CNTNAP2: variants seen among roughly 807,000 people sequenced by gnomAD.
The protein encoded by CNTNAP2 is contactin-associated protein-like 2.
Under a neutral mutation model 155.2 loss-of-function variants are expected in CNTNAP2, and 98 were observed. The observed-to-expected ratio is 0.63, with a 90% CI of 0.54 to 0.75. The LOEUF is 0.75. CNTNAP2 is among the 30% of genes least tolerant of loss of function. The probability of loss-of-function intolerance (pLI) is 0.00; values close to 1 mark genes in which losing one functional copy is unlikely to be tolerated. For missense variants in CNTNAP2, 1,727 were observed against 1,688.1 expected, an observed-to-expected ratio of 1.02 and a Z score of -0.40; for synonymous variants, 651 against 631.2, an observed-to-expected ratio of 1.03 and a Z score of -0.47.
At chr7:147,448,569 A>G (rs892965766) in intron 10 of CNTNAP2, among the ~76,000 whole-genome samples, 2 of 151,550 alleles carry the variant, frequency 1.3e-5, no homozygotes, top group African/African-American at 4.8e-5. Flanking sequence ...ATGGCAAGCA[A>G]TTGACAAAAA....
At chr7:146,502,305 T>A (rs1364225725) in intron 1 of CNTNAP2, among the ~76,000 whole-genome samples, 2 of 146,682 alleles carry the variant, frequency 1.4e-5, no homozygotes, top group Non-Finnish European at 3.0e-5. Flanking sequence ...ACATTTAGGT[T>A]GATTCTATAT....
chr7:148,052,483 G>T (rs1305806786), intron 15 of CNTNAP2, among the ~76,000 whole-genome samples: 1 of 151,976 alleles, frequency 6.6e-6, no homozygotes, highest in Non-Finnish European at 1.5e-5. Flanking sequence ...TGTTTAATAA[G>T]CAGAAAATGG....
rs543882142 is a variant in CNTNAP2, at chr7:146,352,910, A to C, written c.97+235937A>C. On this transcript the variant is annotated intron_variant, in intron 1 of 23. Transcript: ENST00000361727. The stretch of plus-strand genomic sequence containing the variant: ...GCTAGGACTACAGGCACCCGCCACC[A>C]CGCCCGGCTAATTTTTTGTATTTTT... Among the ~76,000 whole-genome samples the C allele has an allele frequency of 7.5e-4, 113 of 150,764 alleles. 1 individual carries two copies. In the South Asian group the frequency reaches 0.012, roughly 15 times the overall value.
intron 11 of CNTNAP2, among the ~76,000 whole-genome samples, chr7:147,532,314 A>G (rs998796555): frequency 5.9e-5 from 9 of 152,230 alleles, no homozygotes; most frequent in Non-Finnish European, 1.3e-4. Flanking sequence ...AAATGCCACC[A>G]GTCTCTTTGC....
intron 10 of CNTNAP2, among the ~76,000 whole-genome samples, chr7:147,413,853 A>C (rs1797143068): frequency 6.6e-6 from 1 of 152,166 alleles, no homozygotes; most frequent in African/African-American, 2.4e-5. Context: ...AAGATCAGTG[A>C]TGTGGGCCTT....
chr7:147,752,404 C>T (rs1477851154), intron 13 of CNTNAP2, among the ~76,000 whole-genome samples: 4 of 152,078 alleles, frequency 2.6e-5, no homozygotes, highest in Non-Finnish European at 4.4e-5. Flanking sequence ...TGATGACAGA[C>T]GAACGAGTTG....
At chr7:147,009,738 C>A (rs189066481) in intron 3 of CNTNAP2, among the ~76,000 whole-genome samples, 10 of 152,194 alleles carry the variant, frequency 6.6e-5, no homozygotes, top group Admixed American at 2.6e-4. Context: ...CAACTAGCAG[C>A]AAATTCTATA....
chr7:147,380,017 T>C (rs1477427402), intron 9 of CNTNAP2, among the ~76,000 whole-genome samples: 4 of 152,116 alleles, frequency 2.6e-5, no homozygotes, highest in Admixed American at 6.6e-5. Flanking sequence ...TTCTAGGTGT[T>C]TGAAACTGGA....
At chr7:147,454,398 T>C (rs1189760979) in intron 10 of CNTNAP2, among the ~76,000 whole-genome samples, 1 of 152,212 alleles carries the variant, frequency 6.6e-6, no homozygotes, top group Non-Finnish European at 1.5e-5. Context: ...TTTGCTCTTT[T>C]CTACTGTATT....
intron 1 of CNTNAP2, among the ~76,000 whole-genome samples, chr7:146,625,181 G>A (rs553557686): frequency 4.0e-5 from 6 of 151,886 alleles, no homozygotes; most frequent in African/African-American, 1.2e-4. Context: ...TGACACATAT[G>A]GTCAGAGAGG....
chr7:147,617,555 C>G (rs1266276051), intron 12 of CNTNAP2, among the ~76,000 whole-genome samples: 1 of 152,000 alleles, frequency 6.6e-6, no homozygotes, highest in East Asian at 1.9e-4. Flanking sequence ...ATTGCCCCTC[C>G]CCACCCAAAA....
chr7:146,712,376 T>TTATGTATACTATATAGTATACATATCA, intron 1 of CNTNAP2, among the ~76,000 whole-genome samples: 1 of 131,864 alleles, frequency 7.6e-6, no homozygotes, highest in African/African-American at 3.1e-5. Flanking sequence ...TATACATATC[T>TTATGTATACTATATAGTATACATATCA]TATGTATACT....
intron 5 of CNTNAP2, among the ~76,000 whole-genome samples, chr7:147,110,367 T>C (rs1053589833): frequency 6.6e-6 from 1 of 151,918 alleles, no homozygotes; most frequent in Non-Finnish European, 1.5e-5. Flanking sequence ...CCTTTTTCTT[T>C]TTTTTTTTTA....
At chr7:148,190,337 T>G (rs750416766) in intron 18 of CNTNAP2, 1 of 152,222 alleles carries the variant, frequency 6.6e-6, no homozygotes, top group Non-Finnish European at 1.5e-5. Flanking sequence ...AATTTCTGAT[T>G]CACAGAAACC....
At chr7:147,717,860 AAC>A (rs1796504373) in intron 13 of CNTNAP2, among the ~76,000 whole-genome samples, 1 of 151,944 alleles carries the variant, frequency 6.6e-6, no homozygotes, top group Non-Finnish European at 1.5e-5. Context: ...CAGCCTGGGC[AAC>A]AGAGTGAAAA....
chr7:148,090,912 G>A (rs1362385009), intron 15 of CNTNAP2, among the ~76,000 whole-genome samples: 1 of 151,958 alleles, frequency 6.6e-6, no homozygotes, highest in Non-Finnish European at 1.5e-5. Flanking sequence ...TCAAAAAGAA[G>A]GAAATCCAGC....
intron 20 of CNTNAP2, among the ~76,000 whole-genome samples, chr7:148,236,725 G>A (rs1358786580): frequency 6.6e-6 from 1 of 152,228 alleles, no homozygotes; most frequent in African/African-American, 2.4e-5. Flanking sequence ...CAGTTCTGCA[G>A]GCTGTACAAG....
chr7:146,275,724 A>C (rs1442753439), intron 1 of CNTNAP2, among the ~76,000 whole-genome samples: 1 of 152,212 alleles, frequency 6.6e-6, no homozygotes, highest in Non-Finnish European at 1.5e-5. Context: ...GGCAACCACA[A>C]GAATGCGATG....
chr7:147,178,055 C>T (rs569980841), intron 8 of CNTNAP2, among the ~76,000 whole-genome samples: 1 of 152,210 alleles, frequency 6.6e-6, no homozygotes, highest in African/African-American at 2.4e-5. Flanking sequence ...CATCCGCCCC[C>T]CCACCACGAA....
Sources: allele counts gnomAD v4.1 joint callset (sites outside exome capture counted in the v4.1 genomes callset), GRCh38; gene constraint gnomAD v4.1.1; transcripts MANE v1.5; gene names NCBI Gene and HGNC (gene_info 2026-07-23, HGNC 2026-07-21).